MDGA2: variants seen among roughly 807,000 people sequenced by gnomAD.
MDGA2 encodes the protein MAM domain containing glycosylphosphatidylinositol anchor 2.
In MDGA2, 40 loss-of-function variants were observed where a neutral mutation model predicts 117.8. That is an observed-to-expected ratio of 0.34 (90% confidence interval 0.26 to 0.44). The LOEUF is 0.44. Ranked by LOEUF, MDGA2 falls within the 20% of genes least tolerant of loss-of-function variation. The pLI, the probability that MDGA2 is intolerant of heterozygous loss-of-function variation, is 1.00. For synonymous variants in MDGA2, 452 were observed against 439.0 expected (o/e 1.03, Z -0.37); for missense variants, 1,123 against 1,250.6 (o/e 0.90, Z 1.54).
At chr14:47,358,352 A>G (rs1323294842) in intron 1 of MDGA2, among the ~76,000 whole-genome samples, 1 of 152,148 alleles carries the variant, frequency 6.6e-6, no homozygotes, top group African/African-American at 2.4e-5. Flanking sequence ...TGTTAAAAGT[A>G]ATAAAATCCC....
chr14:47,646,054 T>C (rs1303162302), intron 1 of MDGA2, among the ~76,000 whole-genome samples: 9 of 136,630 alleles, frequency 6.6e-5, no homozygotes, highest in Admixed American at 4.9e-4. Flanking sequence ...CACTCCAGCC[T>C]GCGCGACAGA....
chr14:47,328,313 A>T (rs1890200646), intron 1 of MDGA2, among the ~76,000 whole-genome samples: 1 of 152,160 alleles, frequency 6.6e-6, no homozygotes, highest in Admixed American at 6.6e-5. Context: ...AACTGCTATG[A>T]AATCCTATAT....
intron 1 of MDGA2, among the ~76,000 whole-genome samples, chr14:47,369,521 T>G (rs1891299634): frequency 6.6e-6 from 1 of 152,080 alleles, no homozygotes; most frequent in Admixed American, 6.5e-5. Flanking sequence ...AGGGTTTTCA[T>G]CCTCTTACCA....
chr14:46,854,219 A>G (rs186022926), intron 15 of MDGA2, among the ~76,000 whole-genome samples: 674 of 151,998 alleles, frequency 4.4e-3, no homozygotes, highest in African/African-American at 0.015. Flanking sequence ...ATTCAATGCT[A>G]TAAATATAAT....
intron 8 of MDGA2, among the ~76,000 whole-genome samples, chr14:47,001,663 T>C (rs1887534023): frequency 1.3e-5 from 2 of 152,090 alleles, no homozygotes; most frequent in Admixed American, 1.3e-4. Flanking sequence ...CTACACAAAA[T>C]GTAATTTTTT....
chr14:47,070,011 C>CT (rs1276690873), intron 6 of MDGA2, among the ~76,000 whole-genome samples: 1 of 151,870 alleles, frequency 6.6e-6, no homozygotes, highest in Non-Finnish European at 1.5e-5. Flanking sequence ...ATTTCTTTTT[C>CT]TTTTTTTGGG....
At position 47,487,446 on chromosome 14, in the gene MDGA2, C is replaced by T. The variant is rs150912966; in HGVS notation, c.281-185896G>A. ...AATAAAAATTATAAACCATAAGCAA[C>T]AGAGTTGTATGAGTTGAATGAAATA... On this transcript the variant is annotated intron_variant, in intron 1 of 16. Coordinates refer to ENST00000399232, the MANE Select transcript of MDGA2 (RefSeq NM_001113498.3). 1.7e-4 allele frequency among the ~76,000 whole-genome samples: 26 copies of T among 152,214 alleles called. No individual in the cohort carries two copies. The East Asian group carries it at 4.8e-3, about 28-fold the overall frequency.
At chr14:47,087,405 T>A (rs990903884) in intron 6 of MDGA2, among the ~76,000 whole-genome samples, 4 of 137,672 alleles carry the variant, frequency 2.9e-5, no homozygotes, top group Admixed American at 8.0e-5. Flanking sequence ...TAATCCCAGC[T>A]ACTCTGAAGG....
intron 10 of MDGA2, 119 bp downstream of exon 10, chr14:46,919,893 C>T: frequency 3.5e-5 from 30 of 850,268 alleles, no homozygotes; most frequent in Non-Finnish European, 5.0e-5. Context: ...TATCTATATA[C>T]AGAAACACAT....
chr14:47,057,866 T>A (rs762703127), intron 7 of MDGA2, among the ~76,000 whole-genome samples: 3 of 152,034 alleles, frequency 2.0e-5, no homozygotes, highest in Non-Finnish European at 4.4e-5. Context: ...GGGATCCTCC[T>A]GAGTCAGCCT....
At chr14:47,201,054 GC>G in intron 3 of MDGA2, 5 of 1,139,794 alleles carry the variant, frequency 4.4e-6, no homozygotes, top group Non-Finnish European at 6.7e-6. Flanking sequence ...CCGCCAGGCG[GC>G]CCAGGAGATG....
At chr14:47,071,989 G>A (rs1261448924) in intron 6 of MDGA2, among the ~76,000 whole-genome samples, 4 of 149,606 alleles carry the variant, frequency 2.7e-5, no homozygotes, top group African/African-American at 7.4e-5. Flanking sequence ...AGTTGTTCAG[G>A]CTCAATTTAA....
chr14:46,996,885 T>C lies in MDGA2; in HGVS notation c.1819+38126A>G, dbSNP rs575695972. 17 of 321,680 alleles carry C rather than the reference T, an allele frequency of 5.3e-5. No homozygotes were observed. The East Asian group carries it at 1.2e-3, about 22-fold the overall frequency. 19.9% of individuals were successfully genotyped at this position (321,680 alleles called of 1,614,324 possible). A position where few individuals can be genotyped will look rare whatever the true frequency, so the allele number is the denominator to read the frequency against. On this transcript the variant is annotated intron_variant, in intron 8 of 16. Transcript: ENST00000399232. ...ATATTCTGGAAGTAGCCAATGCATATGATACTGAGCAAATCTAACAGCAAG... is the reference window on the plus strand; with the variant it reads ...ATATTCTGGAAGTAGCCAATGCATACGATACTGAGCAAATCTAACAGCAAG...
intron 1 of MDGA2, among the ~76,000 whole-genome samples, chr14:47,551,231 G>C (rs565098685): frequency 2.6e-5 from 4 of 152,040 alleles, no homozygotes; most frequent in Non-Finnish European, 5.9e-5. Flanking sequence ...TCTGCCTCCA[G>C]ACTGCTTAGG....
intron 7 of MDGA2, among the ~76,000 whole-genome samples, chr14:47,050,626 A>G (rs76786830): frequency 0.012 from 1,890 of 152,082 alleles, 22 homozygotes; most frequent in South Asian, 0.024. Flanking sequence ...ATATAATGCT[A>G]CTCATGTGTA....
At chr14:47,249,800 T>C (rs1887383994) in intron 2 of MDGA2, among the ~76,000 whole-genome samples, 1 of 152,228 alleles carries the variant, frequency 6.6e-6, no homozygotes, top group South Asian at 2.1e-4. Context: ...ATTTCACTTA[T>C]TTACTGAAAA....
intron 5 of MDGA2, among the ~76,000 whole-genome samples, chr14:47,100,667 T>C (rs1044304918): frequency 1.3e-5 from 2 of 152,128 alleles, no homozygotes. Context: ...GATGAGACAG[T>C]ATGAAATATT....
chr14:47,497,413 C>T (rs1458631070), intron 1 of MDGA2, among the ~76,000 whole-genome samples: 5 of 152,080 alleles, frequency 3.3e-5, no homozygotes, highest in East Asian at 1.9e-4. Flanking sequence ...TGCACCACCA[C>T]GCCCAGCTAA....
chr14:47,144,608 G>A (rs1415463813), intron 3 of MDGA2, among the ~76,000 whole-genome samples: 1 of 150,732 alleles, frequency 6.6e-6, no homozygotes, highest in Non-Finnish European at 1.5e-5. Flanking sequence ...GAACCTCAGT[G>A]ACAAAAAAAA....
Sources: gnomAD v4.1 joint callset for allele counts (sites outside exome capture counted in the v4.1 genomes callset) on GRCh38, gnomAD v4.1.1 for gene constraint, MANE v1.5 for transcripts, NCBI Gene and HGNC (gene_info 2026-07-23, HGNC 2026-07-21) for gene names.